The following NELFCD variants were observed in gnomAD, a reference collection of about 807,000 sequenced individuals.
NELFCD encodes negative elongation factor complex member C/D, also known as negative elongation factor C/D.
A neutral mutation model predicts 72.9 loss-of-function variants in NELFCD; 48 were observed. The observed-to-expected ratio is 0.66, with a 90% CI of 0.52 to 0.84. NELFCD has a LOEUF of 0.84. NELFCD is among the 40% of genes least tolerant of loss of function. NELFCD has a pLI of 0.00. For synonymous variants in NELFCD, 297 were observed against 280.6 expected (o/e 1.06, Z -0.59); for missense variants, 538 against 723.8 (o/e 0.74, Z 2.94).
chr20:58,991,623 G>A (rs1280011656), intron 9 of NELFCD, 177 bp downstream of exon 9: 2 of 772,758 alleles, frequency 2.6e-6, no homozygotes, highest in East Asian at 2.7e-5. Context: ...TGTGCGTAAT[G>A]TCTCCAATGC....
chr20:58,987,889 C>A, intron 4 of NELFCD, 72 bp downstream of exon 4: 1 of 1,111,796 alleles, frequency 9.0e-7, no homozygotes, highest in Non-Finnish European at 1.4e-6. Context: ...TACAGTGGAG[C>A]GTGGCATATC....
intron 4 of NELFCD, 125 bp downstream of exon 4, chr20:58,987,942 G>T: frequency 1.4e-6 from 1 of 713,062 alleles, no homozygotes; most frequent in Non-Finnish European, 2.4e-6. Flanking sequence ...CAGAGTGTGA[G>T]ACAGAAGTTG....
rs6123844 is a variant in NELFCD, at chr20:58,993,796, T to C, written c.1581+32T>C. On this transcript the variant is annotated intron_variant, in intron 13 of 14. Transcript: ENST00000652272. The surrounding 1 kb of genome is among the most constrained non-coding windows in gnomAD (Gnocchi z 5.0). ...AATGCACCGTTGGTTTCATGTTTCA[T>C]ACTGTTTACACTAGCACTGCCCTTT... is the stretch of plus-strand genomic sequence containing the variant. The C allele has an allele frequency of 3.5e-5, 56 of 1,610,802 alleles. No homozygotes were observed. Among genetic ancestry groups the C allele is most frequent in the Non-Finnish European group, 4.7e-5 (55 of 1,178,356 alleles).
chr20:58,986,322 G>C lies in NELFCD; in HGVS notation c.176+114G>C, dbSNP rs1193404374. The stretch of plus-strand genomic sequence containing the variant: ...AAGAGTAACGCGAACTGAACTAAAG[G>C]CTTCAAGGGGGGGTCCCCTCTGCCA... On this transcript the variant is annotated intron_variant, in intron 2 of 14. Coordinates refer to ENST00000652272, the MANE Select transcript of NELFCD (RefSeq NM_198976.4). This position sits in a 1 kb window ranked among gnomAD's most constrained non-coding sequence, Gnocchi z 4.4. The C allele has an allele frequency of 4.4e-6, 3 of 685,496 alleles. No homozygotes were observed. Among genetic ancestry groups the C allele is most frequent in the Non-Finnish European group, 7.5e-6 (3 of 400,900 alleles). 42.5% of individuals were successfully genotyped at this position (685,496 alleles called of 1,614,324 possible).
chr20:58,989,819 G>A, intron 6 of NELFCD, 39 bp from the exon 7 acceptor site: 1 of 1,613,966 alleles, frequency 6.2e-7, no homozygotes, highest in Non-Finnish European at 8.5e-7. Flanking sequence ...CTGTGCTACA[G>A]TAGTAAACCC....
In NELFCD at chr20:58,986,902, C is replaced by T; in HGVS notation, c.286+39C>T. ...GTCCCCTGTCCTGGCTAGTTACCCCCACTTTTTTAAAAATAGACTTTTGGG... is the reference window on the plus strand; with the variant it reads ...GTCCCCTGTCCTGGCTAGTTACCCCTACTTTTTTAAAAATAGACTTTTGGG... On this transcript the variant is annotated intron_variant, in intron 3 of 14. Coordinates refer to ENST00000652272, the MANE Select transcript of NELFCD (RefSeq NM_198976.4). This position sits in a 1 kb window ranked among gnomAD's most constrained non-coding sequence, Gnocchi z 4.4. 1 of 1,363,600 alleles carries T rather than the reference C, an allele frequency of 7.3e-7. No homozygotes were observed. Among genetic ancestry groups the T allele is most frequent in the Non-Finnish European group, 1.0e-6 (1 of 970,124 alleles). The allele number at this position is 1,363,600 out of a possible 1,614,324, so 84.5% of individuals were successfully genotyped here.
At chr20:58,991,244 C>G in intron 8 of NELFCD, 68 bp from the exon 9 acceptor site, 1 of 1,605,802 alleles carries the variant, frequency 6.2e-7, no homozygotes, top group Non-Finnish European at 8.5e-7. Flanking sequence ...GTAGGGAACC[C>G]TGAGGGGAGG....
Position 58,986,165 on chromosome 20 carries a change from C to T in NELFCD, c.133C>T (p.Arg45Trp), listed in dbSNP as rs755253005. The T allele has an allele frequency of 1.1e-5, 18 of 1,613,720 alleles. No individual in the cohort carries two copies. Among genetic ancestry groups the T allele is most frequent in the East Asian group, 4.5e-5 (2 of 44,874 alleles). ...QQECLHKFST[R>W]DYIMEPSIFN... is the part of the protein sequence containing the mutation. ...AGAATGCCTGCATAAATTTTCCACC[C>T]GGGATTATATCATGGAACCCTCCAT... Residue 45 changes from arginine (R) to tryptophan (W), a missense_variant, in exon 2 of 15, where the codon CGG (arginine) becomes TGG (tryptophan). Physicochemically the swap from Arg to Trp is moderately radical, Grantham distance 101 (BLOSUM62 -3). Coordinates refer to ENST00000652272, the MANE Select transcript of NELFCD (RefSeq NM_198976.4). This position sits in a 1 kb window ranked among gnomAD's most constrained non-coding sequence, Gnocchi z 4.4.
At position 58,987,728 on chromosome 20, in the gene NELFCD, C is replaced by T; in HGVS notation, c.307C>T (p.Gln103Ter). 1 of 1,614,152 alleles carries T rather than the reference C, an allele frequency of 6.2e-7. No homozygotes were observed. Among genetic ancestry groups the T allele is most frequent in the Non-Finnish European group, 8.5e-7 (1 of 1,179,996 alleles). The change falls in exon 4 of 15, where the codon CAG becomes TAG. Residue 103 changes from glutamine to a stop codon, truncating the protein, a stop_gained. Coordinates refer to ENST00000652272, the MANE Select transcript of NELFCD (RefSeq NM_198976.4). LOFTEE classifies it high-confidence loss of function. ...IQTGVEPVQV[Q>*]ETVENHLKSL... ...TTCAGGTGTTGAGCCAGTGCAGGTT[C>T]AGGAAACTGTGGAAAATCACTTGAA...
At chr20:58,983,586 C>T (rs373175615) in intron 1 of NELFCD, among the ~76,000 whole-genome samples, 7 of 152,108 alleles carry the variant, frequency 4.6e-5, no homozygotes, top group Middle Eastern at 3.4e-3. Context: ...CCACCACACC[C>T]GGCTAATTTT....
intron 5 of NELFCD, 71 bp from the exon 6 acceptor site, chr20:58,989,417 T>C: frequency 1.9e-6 from 3 of 1,576,758 alleles, no homozygotes; most frequent in Non-Finnish European, 2.6e-6. Flanking sequence ...CCATGAACAC[T>C]GACAAGCCAG....
intron 1 of NELFCD, among the ~76,000 whole-genome samples, chr20:58,983,516 T>C (rs976110970): frequency 6.7e-6 from 1 of 148,588 alleles, no homozygotes. Flanking sequence ...CTTGGCTCAC[T>C]GCAACCTCCA....
intron 7 of NELFCD, chr20:58,990,408 A>G (rs1437045551): frequency 5.9e-6 from 1 of 170,794 alleles, no homozygotes; most frequent in African/African-American, 2.4e-5. Context: ...CTCAAAAAAA[A>G]AAAAAAAAAT....
chr20:58,982,982 TAAAG>T (rs1016221795), intron 1 of NELFCD, among the ~76,000 whole-genome samples: 7 of 152,042 alleles, frequency 4.6e-5, no homozygotes, highest in African/African-American at 9.7e-5. Context: ...ATGAAACTAA[TAAAG>T]GAAGGAGAGG....
intron 4 of NELFCD, 82 bp downstream of exon 4, chr20:58,987,899 C>A: frequency 9.9e-7 from 1 of 1,008,680 alleles, no homozygotes; most frequent in South Asian, 1.4e-5. Flanking sequence ...CGTGGCATAT[C>A]ATGTAAGTAA....
chr20:58,989,275 G>A (rs1370503838), intron 5 of NELFCD: 3 of 642,348 alleles, frequency 4.7e-6, no homozygotes, highest in South Asian at 1.9e-5. Flanking sequence ...AGGCGTGCCT[G>A]CTTGATCTTC....
In NELFCD at chr20:58,993,680, T is replaced by C. The variant is rs773711604; in HGVS notation, c.1497T>C (p.Tyr499=). ...DRMVHLLSRG[Y]VLPVVSYIRK... ...TGGTTCACCTGCTGAGTCGAGGTTA[T>C]GTACTTCCTGTTGTCAGTTACATCC... The change falls in exon 13 of 15, where the codon TAT becomes TAC. Residue 499 remains tyrosine (Y), a synonymous_variant. Coordinates refer to ENST00000652272, the MANE Select transcript of NELFCD (RefSeq NM_198976.4). This position sits in a 1 kb window ranked among gnomAD's most constrained non-coding sequence, Gnocchi z 5.0. 2.5e-6 allele frequency: 4 copies of C among 1,614,142 alleles called. No homozygotes were observed. The highest frequency in any genetic ancestry group is 3.4e-6 in the Non-Finnish European group (4 of 1,180,062).
chr20:58,992,785 G>C (rs1032569687), intron 10 of NELFCD, among the ~76,000 whole-genome samples: 1 of 150,592 alleles, frequency 6.6e-6, no homozygotes, highest in African/African-American at 2.5e-5. Context: ...TACTCGGGAG[G>C]CTGCAGTGAG....
At chr20:58,984,538 A>G (rs2091758981) in intron 1 of NELFCD, among the ~76,000 whole-genome samples, 1 of 151,940 alleles carries the variant, frequency 6.6e-6, no homozygotes, top group African/African-American at 2.4e-5. Flanking sequence ...GGTGAGGGAG[A>G]GAAGCTGAGG....
Sources: allele counts gnomAD v4.1 joint callset (sites outside exome capture counted in the v4.1 genomes callset), GRCh38; gene constraint gnomAD v4.1.1; non-coding constraint Gnocchi (gnomAD v3.1); transcripts MANE v1.5; gene names NCBI Gene and HGNC (gene_info 2026-07-23, HGNC 2026-07-21).